The following FSTL4 variants were observed in gnomAD, a reference collection of about 807,000 sequenced individuals.
FSTL4 encodes the protein follistatin-related protein 4.
Under a neutral mutation model 78.2 loss-of-function variants are expected in FSTL4, and 28 were observed. The observed-to-expected ratio is 0.36, with a 90% CI of 0.27 to 0.49. The LOEUF is 0.49. Among genes scored for constraint, FSTL4 ranks in the 20% least tolerant of loss-of-function variants. The probability of loss-of-function intolerance (pLI) is 0.98; values close to 1 mark genes in which losing one functional copy is unlikely to be tolerated. For synonymous variants in FSTL4, 422 were observed against 440.5 expected (o/e 0.96, Z 0.53); for missense variants, 922 against 1,084.9 (o/e 0.85, Z 2.11).
At chr5:133,715,665 A>G in the FSTL4 span, among the ~76,000 whole-genome samples, 1 of 152,332 alleles carries the variant, frequency 6.6e-6, no homozygotes, top group Non-Finnish European at 1.5e-5. Flanking sequence ...CACAGCCCAC[A>G]GGACTCTTTA....
At chr5:133,640,297 C>T in the FSTL4 span, among the ~76,000 whole-genome samples, 1 of 152,200 alleles carries the variant, frequency 6.6e-6, no homozygotes, top group African/African-American at 2.4e-5. Context: ...AATGGGCCAT[C>T]TTAGATGCCT....
intron 3 of FSTL4, among the ~76,000 whole-genome samples, chr5:133,532,850 G>C (rs930613571): frequency 2.6e-5 from 4 of 152,042 alleles, no homozygotes; most frequent in African/African-American, 9.7e-5. Flanking sequence ...TCTCCCCTTT[G>C]GTCAAGGGCC....
intron 4 of FSTL4, among the ~76,000 whole-genome samples, chr5:133,380,685 C>T (rs1755547575): frequency 6.6e-6 from 1 of 151,668 alleles, no homozygotes; most frequent in Non-Finnish European, 1.5e-5. Context: ...ACTTCAATAT[C>T]AACCTTATAT....
At chr5:133,252,967 G>C (rs1397645366) in intron 6 of FSTL4, among the ~76,000 whole-genome samples, 1 of 152,188 alleles carries the variant, frequency 6.6e-6, no homozygotes, top group Non-Finnish European at 1.5e-5. Flanking sequence ...AAATTAGAAT[G>C]TGTGAATACT....
At chr5:133,293,375 C>A (rs1343756444) in intron 6 of FSTL4, among the ~76,000 whole-genome samples, 2 of 152,206 alleles carry the variant, frequency 1.3e-5, no homozygotes, top group African/African-American at 4.8e-5. Context: ...ACAGGTCGGT[C>A]CTCCTCAAAC....
chr5:133,312,784 G>A lies in FSTL4; in HGVS notation c.604-7C>T. ...CCTGCTTCTTCAGCACATGCTGTGG[G>A]GTGAGGAGGAGAACAAGGCCAGAAT... On this transcript the variant is annotated splice_polypyrimidine_tract_variant and splice_region_variant and intron_variant, in intron 5 of 15. Coordinates refer to ENST00000265342, the MANE Select transcript of FSTL4 (RefSeq NM_015082.2). The A allele has an allele frequency of 6.2e-7, 1 of 1,614,026 alleles. No individual in the cohort carries two copies. The highest frequency in any genetic ancestry group is 1.7e-5 in the Admixed American group (1 of 60,026).
chr5:133,613,140 C>T (rs965529161), upstream of FSTL4, among the ~76,000 whole-genome samples: 6 of 152,218 alleles, frequency 3.9e-5, no homozygotes, highest in African/African-American at 1.4e-4. Flanking sequence ...AGGATATTTC[C>T]CCATCCTGAT....
intron 3 of FSTL4, among the ~76,000 whole-genome samples, chr5:133,560,536 TG>T (rs1759888915): frequency 6.6e-6 from 1 of 152,072 alleles, no homozygotes; most frequent in Non-Finnish European, 1.5e-5. Flanking sequence ...GCTAATTTTT[TG>T]TATTTTTAGT....
intron 3 of FSTL4, among the ~76,000 whole-genome samples, chr5:133,468,420 C>G (rs755038): frequency 0.069 from 10,529 of 152,292 alleles, 434 homozygotes; most frequent in South Asian, 0.12. Context: ...ATTTCCAAGA[C>G]AGGTGATCAG....
the FSTL4 span, among the ~76,000 whole-genome samples, chr5:133,617,959 A>C: frequency 6.6e-6 from 1 of 152,130 alleles, no homozygotes; most frequent in Non-Finnish European, 1.5e-5. Flanking sequence ...AGAGTTGCAG[A>C]AGAAGGAGAG....
At chr5:133,646,509 C>T in the FSTL4 span, among the ~76,000 whole-genome samples, 1 of 152,098 alleles carries the variant, frequency 6.6e-6, no homozygotes, top group Non-Finnish European at 1.5e-5. Flanking sequence ...GGTTTTACAT[C>T]AACCCGTCTG....
In FSTL4 at chr5:133,568,989, G is replaced by A. The variant is rs181939459; in HGVS notation, c.127-1770C>T. 1.2e-3 allele frequency among the ~76,000 whole-genome samples: 186 copies of A among 152,126 alleles called. 2 individuals carry two copies. Among genetic ancestry groups the A allele is most frequent in the Admixed American group, 0.01 (156 of 15,266 alleles). On this transcript the variant is annotated intron_variant, in intron 2 of 15. Transcript: ENST00000265342. ...GAGTATTTTATAGTTTTCCTTGTGC[G>A]TATTTTGAATATTTCTTTTTTGTAT... is the stretch of plus-strand genomic sequence containing the variant.
chr5:133,660,137 G>A, the FSTL4 span, among the ~76,000 whole-genome samples: 7 of 152,234 alleles, frequency 4.6e-5, no homozygotes, highest in Admixed American at 1.3e-4. Context: ...TCTTCTTTTG[G>A]TTGGGAAAAC....
chr5:133,476,855 TG>T (rs1387214025), intron 3 of FSTL4, among the ~76,000 whole-genome samples: 1 of 152,190 alleles, frequency 6.6e-6, no homozygotes, highest in Non-Finnish European at 1.5e-5. Context: ...ACATATATGG[TG>T]GTCATGGGAT....
At chr5:133,238,635 G>T (rs145149279) in intron 7 of FSTL4, among the ~76,000 whole-genome samples, 122 of 152,258 alleles carry the variant, frequency 8.0e-4, no homozygotes, top group African/African-American at 2.7e-3. Context: ...CAGTACATGC[G>T]AGTGTGCACA....
chr5:133,676,372 T>C, the FSTL4 span, among the ~76,000 whole-genome samples: 2 of 152,256 alleles, frequency 1.3e-5, no homozygotes, highest in African/African-American at 2.4e-5. Context: ...TACCTTTTGT[T>C]AAGAACACTT....
intron 3 of FSTL4, among the ~76,000 whole-genome samples, chr5:133,559,023 T>C (rs1580788460): frequency 6.6e-6 from 1 of 152,172 alleles, no homozygotes; most frequent in African/African-American, 2.4e-5. Context: ...AATCTTAAAA[T>C]AATGAAAAGA....
intron 1 of FSTL4, among the ~76,000 whole-genome samples, chr5:133,609,899 A>G (rs1423916121): frequency 6.6e-6 from 1 of 152,242 alleles, no homozygotes; most frequent in East Asian, 1.9e-4. Flanking sequence ...GAAAATGTAA[A>G]GAAAGATGTG....
the FSTL4 span, among the ~76,000 whole-genome samples, chr5:133,667,415 T>A: frequency 6.6e-6 from 1 of 152,238 alleles, no homozygotes; most frequent in Non-Finnish European, 1.5e-5. Flanking sequence ...TTTTAAAACA[T>A]AAAGATGATG....
Sources: gnomAD v4.1 joint callset for allele counts (sites outside exome capture counted in the v4.1 genomes callset) on GRCh38, gnomAD v4.1.1 for gene constraint, MANE v1.5 for transcripts, NCBI Gene and HGNC (gene_info 2026-07-23, HGNC 2026-07-21) for gene names.